Variants in CHM observed in about 807,000 individuals in gnomAD.
The protein encoded by CHM is rab proteins geranylgeranyltransferase component A 1.
In CHM, 10 loss-of-function variants were observed where a neutral mutation model predicts 49.0. The ratio of observed to expected loss-of-function variants is 0.20; its 90% CI spans 0.13 to 0.35. The LOEUF is 0.35. Ranked by LOEUF, CHM falls within the 10% of genes least tolerant of loss-of-function variation. CHM has a pLI of 1.00. For synonymous variants in CHM, 184 were observed against 167.5 expected, an observed-to-expected ratio of 1.10 and a Z score of -0.76; for missense variants, 455 against 478.4, an observed-to-expected ratio of 0.95 and a Z score of 0.46.
chrX:85,940,449 T>C (rs1929039776), intron 8 of CHM, among the ~76,000 whole-genome samples: 1 of 111,903 alleles, frequency 8.9e-6, no homozygotes, highest in Non-Finnish European at 1.9e-5. Flanking sequence ...CCAGTATTTT[T>C]CAAGCGGTTA....
In CHM at chrX:85,877,254, C is replaced by T. The variant is rs183540404; in HGVS notation, c.1609+1711G>A. Among the ~76,000 whole-genome samples, 681 of 111,602 alleles carry T rather than the reference C, an allele frequency of 6.1e-3. 11 individuals are homozygous for T. The East Asian group carries it at 0.081, about 13-fold the overall frequency. ...ATTAAAGTGAAGTTTTCAAATACTTCATTTGGGTAGCTCCCAAAAAACATA... is the reference window on the plus strand; with the variant it reads ...ATTAAAGTGAAGTTTTCAAATACTTTATTTGGGTAGCTCCCAAAAAACATA... On this transcript the variant is annotated intron_variant, in intron 13 of 14. Coordinates refer to ENST00000357749, the MANE Select transcript of CHM (RefSeq NM_000390.4).
intron 1 of CHM, 27 bp from the exon 2 acceptor site, chrX:86,027,584 T>G (rs1371155952): frequency 8.8e-7 from 1 of 1,133,977 alleles, no homozygotes; most frequent in Non-Finnish European, 1.2e-6. Context: ...CCGTATCATT[T>G]AGAATGTAGA....
At chrX:85,927,693 G>A (rs1215045158) in intron 8 of CHM, among the ~76,000 whole-genome samples, 2 of 111,703 alleles carry the variant, frequency 1.8e-5, no homozygotes, top group Non-Finnish European at 3.8e-5. Flanking sequence ...TATATCCAAC[G>A]AGTCAGATTT....
At chrX:86,008,443 A>G (rs1352180872) in intron 2 of CHM, among the ~76,000 whole-genome samples, 4 of 111,363 alleles carry the variant, frequency 3.6e-5, no homozygotes, top group Admixed American at 9.5e-5. Context: ...CATGGCACCT[A>G]TATTTTAAAA....
At chrX:86,006,529 A>C (rs1449040938) in intron 2 of CHM, among the ~76,000 whole-genome samples, 3 of 112,167 alleles carry the variant, frequency 2.7e-5, no homozygotes, top group Non-Finnish European at 5.6e-5. Context: ...TTCTCAGCCC[A>C]AAATCTCCTT....
At chrX:85,934,279 CTTTTTTTT>C (rs769967072) in intron 8 of CHM, among the ~76,000 whole-genome samples, 2 of 71,276 alleles carry the variant, frequency 2.8e-5, no homozygotes, top group Non-Finnish European at 5.3e-5. Flanking sequence ...TGCGCTCAGC[CTTTTTTTT>C]TTTTTTTTTT....
At chrX:85,900,235 A>G (rs1926170075) in intron 11 of CHM, among the ~76,000 whole-genome samples, 1 of 111,832 alleles carries the variant, frequency 8.9e-6, no homozygotes, top group Non-Finnish European at 1.9e-5. Context: ...AACCTGGAGG[A>G]CATTATGCTA....
At chrX:86,027,237 C>G in intron 2 of CHM, 1 of 344,624 alleles carries the variant, frequency 2.9e-6, no homozygotes, top group Non-Finnish European at 5.0e-6. Context: ...AACAAAATCA[C>G]TCATGAGAAA....
At chrX:85,897,468 T>A (rs986556718) in intron 11 of CHM, among the ~76,000 whole-genome samples, 4 of 108,586 alleles carry the variant, frequency 3.7e-5, no homozygotes, top group Non-Finnish European at 5.7e-5. Flanking sequence ...AAGGGCTGGC[T>A]TTGAACAAGG....
chrX:85,963,951 A>C lies in CHM; in HGVS notation c.416T>G (p.Leu139Arg). 8.3e-7 allele frequency: 1 copy of C among 1,211,169 alleles called. No homozygotes were observed. Among genetic ancestry groups the C allele is most frequent in the Non-Finnish European group, 1.1e-6 (1 of 895,332 alleles). ...NSTEAADSAF[L>R]PTEDESLSTM... ...GCTTAATGACTCATCCTCCGTAGGC[A>C]GGAAGGCAGAATCTGCAGCTTCTGT... Residue 139 changes from leucine to arginine, a missense_variant, in exon 5 of 15, where the codon CTG becomes CGG. By Grantham distance (102) the Leu-to-Arg change is moderately radical. Transcript: ENST00000357749.
At chrX:86,003,009 C>T (rs922433380) in intron 2 of CHM, among the ~76,000 whole-genome samples, 1 of 111,699 alleles carries the variant, frequency 9.0e-6, no homozygotes, top group African/African-American at 3.3e-5. Context: ...CTCATATAGG[C>T]AGGTGCTCCT....
At chrX:86,005,428 A>T (rs762325976) in intron 2 of CHM, among the ~76,000 whole-genome samples, 7 of 111,889 alleles carry the variant, frequency 6.3e-5, no homozygotes, top group African/African-American at 1.9e-4. Flanking sequence ...CAGAACTGAA[A>T]GAGACAGATC....
chrX:85,945,985 G>A lies in CHM; in HGVS notation c.1166+10168C>T, dbSNP rs572088903. Among the ~76,000 whole-genome samples, 5 of 112,032 alleles carry A rather than the reference G, an allele frequency of 4.5e-5. No individual in the cohort carries two copies. The South Asian group carries it at 1.9e-3, about 42-fold the overall frequency. On this transcript the variant is annotated intron_variant, in intron 8 of 14. Coordinates refer to ENST00000357749, the MANE Select transcript of CHM (RefSeq NM_000390.4). ...CCTTGGCTGCGTTCTGTTCATGTCC[G>A]GGGGATCTGTGGAAGCTTGACTTGA...
At chrX:85,956,014 G>A in intron 8 of CHM, 139 bp downstream of exon 8, 1 of 496,325 alleles carries the variant, frequency 2.0e-6, no homozygotes, top group South Asian at 3.7e-5. Context: ...TAGGTAAATA[G>A]ATTATAAAAA....
At position 85,893,139 on chromosome X, in the gene CHM, T is replaced by C. The variant is rs566202479; in HGVS notation, c.1510+1049A>G. Among the ~76,000 whole-genome samples the C allele has an allele frequency of 1.7e-4, 19 of 111,776 alleles. No individual in the cohort carries two copies. In the South Asian group the frequency reaches 5.9e-3, roughly 35 times the overall value. Reference sequence around the variant, plus strand: ...CAATATGTTGTACTTGGTTAATAAATAGTCTTGTTCCATTAGGTGAGCAGT... The same window carrying C: ...CAATATGTTGTACTTGGTTAATAAACAGTCTTGTTCCATTAGGTGAGCAGT... On this transcript the variant is annotated intron_variant, in intron 12 of 14. Coordinates refer to ENST00000357749, the MANE Select transcript of CHM (RefSeq NM_000390.4).
chrX:85,987,212 GA>G (rs1931965445), intron 2 of CHM, among the ~76,000 whole-genome samples: 2 of 112,214 alleles, frequency 1.8e-5, no homozygotes, highest in South Asian at 7.4e-4. Context: ...AGAGACAGGG[GA>G]AAAGCAAACA....
At chrX:85,974,971 T>C (rs1931171043) in intron 4 of CHM, among the ~76,000 whole-genome samples, 1 of 110,782 alleles carries the variant, frequency 9.0e-6, no homozygotes. Context: ...TTAGAATGGA[T>C]TTTTTTTAAC....
intron 2 of CHM, 102 bp downstream of exon 2, chrX:86,027,389 C>T (rs1933869730): frequency 7.7e-6 from 5 of 652,619 alleles, no homozygotes; most frequent in South Asian, 2.3e-5. Context: ...GTATGATATA[C>T]ACATACATGT....
At chrX:86,028,127 C>A (rs1303873761) in intron 1 of CHM, among the ~76,000 whole-genome samples, 1 of 112,226 alleles carries the variant, frequency 8.9e-6, no homozygotes, top group Non-Finnish European at 1.9e-5. Flanking sequence ...AAAGTACTTA[C>A]AATCTTTTTG....
Sources: gnomAD v4.1 joint callset for allele counts (sites outside exome capture counted in the v4.1 genomes callset) on GRCh38, gnomAD v4.1.1 for gene constraint, MANE v1.5 for transcripts, NCBI Gene and HGNC (gene_info 2026-07-23, HGNC 2026-07-21) for gene names.